Variants in CD9 observed in about 807,000 individuals in gnomAD.
CD9 encodes CD9 molecule, also known as CD9 antigen.
Under a neutral mutation model 31.4 loss-of-function variants are expected in CD9, and 10 were observed. That is an observed-to-expected ratio of 0.32 (90% CI 0.20 to 0.54). The LOEUF is 0.54. Among genes scored for constraint, CD9 ranks in the 20% least tolerant of loss-of-function variants. CD9 has a pLI of 0.94. For synonymous variants in CD9, 113 were observed against 114.1 expected (o/e 0.99, Z 0.06); for missense variants, 259 against 300.1 (o/e 0.86, Z 1.01).
chr12:6,231,663 T>C (rs905165897), intron 2 of CD9, among the ~76,000 whole-genome samples: 4 of 152,234 alleles, frequency 2.6e-5, no homozygotes, highest in Admixed American at 2.6e-4. Context: ...GGAATTTGCA[T>C]TGTTCTGGGT....
intron 1 of CD9, among the ~76,000 whole-genome samples, chr12:6,220,568 G>A (rs545745570): frequency 5.9e-5 from 9 of 152,258 alleles, no homozygotes; most frequent in Admixed American, 1.3e-4. Flanking sequence ...TGGATTTTTA[G>A]GTTAGGGAGA....
intron 1 of CD9, among the ~76,000 whole-genome samples, chr12:6,223,476 T>C (rs1946319691): frequency 6.6e-6 from 1 of 152,132 alleles, no homozygotes; most frequent in South Asian, 2.1e-4. Context: ...TTAGCCAGGA[T>C]GGTCTCGATC....
Position 6,235,550 on chromosome 12 carries a change from A to AACCTTC in CD9, c.526_531dup (p.Phe176_Thr177dup), listed in dbSNP as rs765932267. ...TCTGCCCCAAGAAGGACGTACTCGAAACCTTCACCGTGAAGGTAAACTCAG... is the reference window on the plus strand; with the variant it reads ...TCTGCCCCAAGAAGGACGTACTCGAAACCTTCACCTTCACCGTGAAGGTAAACTCAG... On this transcript the variant is annotated inframe_insertion, in exon 6 of 8. Transcript: ENST00000009180. 2 of 1,612,908 alleles carry AACCTTC rather than the reference A, an allele frequency of 1.2e-6. No homozygotes were observed. Among genetic ancestry groups the AACCTTC allele is most frequent in the Non-Finnish European group, 1.7e-6 (2 of 1,179,084 alleles).
chr12:6,232,751 C>A lies in CD9; in HGVS notation c.273+22C>A, dbSNP rs767514697. 2.1e-6 allele frequency: 3 copies of A among 1,459,004 alleles called. No homozygotes were observed. Among genetic ancestry groups the A allele is most frequent in the Admixed American group, 2.0e-5 (1 of 50,950 alleles). 90.4% of individuals were successfully genotyped at this position (1,459,004 alleles called of 1,614,324 possible). A position where few individuals can be genotyped will look rare whatever the true frequency, so the allele number is the denominator to read the frequency against. On this transcript the variant is annotated intron_variant, in intron 3 of 7. Transcript: ENST00000009180. This position sits in a 1 kb window ranked among gnomAD's most constrained non-coding sequence, Gnocchi z 4.8. Reference sequence around the variant, plus strand: ...ACTGGTGAGTATCCCCTCGGCATCCCCACAGCCACCCTGACTCCCACCAAC... The same window carrying A: ...ACTGGTGAGTATCCCCTCGGCATCCACACAGCCACCCTGACTCCCACCAAC...
rs1437799550 is a variant in CD9, at chr12:6,236,223, A to C, written c.569A>C (p.Asp190Ala). 7 of 1,614,226 alleles carry C rather than the reference A, an allele frequency of 4.3e-6. No individual in the cohort carries two copies. Among genetic ancestry groups the C allele is most frequent in the Middle Eastern group, 1.6e-4 (1 of 6,062 alleles). The part of the protein sequence containing the change: ...SCPDAIKEVF[D>A]NKFHIIGAVG... Reference sequence around the variant, plus strand: ...CCTGATGCCATCAAAGAGGTCTTCGACAATAAATTCCACATCATCGGCGCA... The same window carrying C: ...CCTGATGCCATCAAAGAGGTCTTCGCCAATAAATTCCACATCATCGGCGCA... The change falls in exon 7 of 8, where the codon GAC becomes GCC. Residue 190 changes from aspartate to alanine, a missense_variant. Physicochemically the swap from Asp to Ala is moderately radical, Grantham distance 126. Transcript: ENST00000009180.
chr12:6,202,459 C>G (rs1265423878), intron 1 of CD9, among the ~76,000 whole-genome samples: 2 of 152,266 alleles, frequency 1.3e-5, no homozygotes, highest in Non-Finnish European at 2.9e-5. Context: ...GGTACAGTCT[C>G]TCCCGGCTGG....
At chr12:6,205,164 G>A (rs1946117225) in intron 1 of CD9, among the ~76,000 whole-genome samples, 1 of 152,234 alleles carries the variant, frequency 6.6e-6, no homozygotes, top group Non-Finnish European at 1.5e-5. Context: ...CTGCGCTGGG[G>A]TGAAGCTGGC....
intron 1 of CD9, chr12:6,225,040 G>T: frequency 5.2e-6 from 1 of 192,428 alleles, no homozygotes; most frequent in African/African-American, 2.3e-5. Context: ...TCCCTAAACA[G>T]CATAGCGTTT....
At chr12:6,202,655 C>G (rs995575739) in intron 1 of CD9, among the ~76,000 whole-genome samples, 9 of 152,260 alleles carry the variant, frequency 5.9e-5, no homozygotes, top group African/African-American at 2.2e-4. Context: ...GCAATCTGTC[C>G]GTACTGTCCT....
chr12:6,227,670 CAAG>C (rs1946387037), intron 2 of CD9, among the ~76,000 whole-genome samples: 1 of 152,152 alleles, frequency 6.6e-6, no homozygotes, highest in Non-Finnish European at 1.5e-5. Context: ...TATATTCCCT[CAAG>C]AGGCAGGGCC....
At chr12:6,227,535 GTCAT>G (rs1197408829) in intron 2 of CD9, among the ~76,000 whole-genome samples, 1 of 152,186 alleles carries the variant, frequency 6.6e-6, no homozygotes, top group African/African-American at 2.4e-5. Flanking sequence ...TTCTTTGTGT[GTCAT>G]TCATTGTCTT....
intron 1 of CD9, among the ~76,000 whole-genome samples, chr12:6,208,263 A>G (rs1213553474): frequency 6.6e-6 from 1 of 151,084 alleles, no homozygotes; most frequent in African/African-American, 2.4e-5. Context: ...AACCCTTCAC[A>G]GCTTACCCAA....
chr12:6,221,253 G>A (rs1946288796), intron 1 of CD9, among the ~76,000 whole-genome samples: 1 of 152,208 alleles, frequency 6.6e-6, no homozygotes, highest in Non-Finnish European at 1.5e-5. Context: ...AAACCAGAAT[G>A]TTTCCATTTG....
chr12:6,208,178 C>G lies in CD9; in HGVS notation c.66+7613C>G, dbSNP rs182133953. On this transcript the variant is annotated intron_variant, in intron 1 of 7. Coordinates refer to ENST00000009180, the MANE Select transcript of CD9 (RefSeq NM_001769.4). The stretch of plus-strand genomic sequence containing the variant: ...GGCGGCGGTTGCAGTGAGCTGAAAT[C>G]GTGCCATTGCACTCCAGCCTGGGCG... Among the ~76,000 whole-genome samples the G allele has an allele frequency of 2.2e-3, 330 of 150,450 alleles. 8 individuals carry two copies. The South Asian group carries it at 0.033, about 15-fold the overall frequency.
In CD9 at chr12:6,236,255, A is replaced by G. The variant is rs150663369; in HGVS notation, c.601A>G (p.Ile201Val). ...NKFHIIGAVG[I>V]GIAVVMIFGM... ...ATTCCACATCATCGGCGCAGTGGGCATCGGCATTGCCGTGGTCATGGTGAG... is the reference window on the plus strand; with the variant it reads ...ATTCCACATCATCGGCGCAGTGGGCGTCGGCATTGCCGTGGTCATGGTGAG... The change falls in exon 7 of 8, where the codon ATC becomes GTC. Residue 201 changes from isoleucine to valine, a missense_variant. Coordinates refer to ENST00000009180, the MANE Select transcript of CD9 (RefSeq NM_001769.4). The G allele has an allele frequency of 5.5e-4, 892 of 1,614,202 alleles. No homozygotes were observed. Among genetic ancestry groups the G allele is most frequent in the Non-Finnish European group, 6.8e-4 (798 of 1,180,026 alleles).
rs71450123 is a variant in CD9, at chr12:6,214,344, C to CTTTTTTTTT, written c.67-11066_67-11058dup. Among the ~76,000 whole-genome samples, 128 of 67,074 alleles carry CTTTTTTTTT rather than the reference C, an allele frequency of 1.9e-3. 18 individuals carry two copies. Among genetic ancestry groups the CTTTTTTTTT allele is most frequent in the South Asian group, 2.7e-3 (4 of 1,478 alleles). The allele number at this position is 67,074 out of a possible 152,430, so 44.0% of individuals were successfully genotyped here. A position where few individuals can be genotyped will look rare whatever the true frequency, so the allele number is the denominator to read the frequency against. On this transcript the variant is annotated intron_variant, in intron 1 of 7. Coordinates refer to ENST00000009180, the MANE Select transcript of CD9 (RefSeq NM_001769.4). ...CAACCTGCAACTTGACCATTAGCCT[C>CTTTTTTTTT]TTTTTTTTTTTTTTTTTTTTTTTTG...
intron 2 of CD9, among the ~76,000 whole-genome samples, chr12:6,231,974 G>C (rs1052702930): frequency 6.6e-6 from 1 of 152,186 alleles, no homozygotes; most frequent in Non-Finnish European, 1.5e-5. Context: ...GCCAAAAGAA[G>C]GGTCTTCTGA....
intron 2 of CD9, among the ~76,000 whole-genome samples, chr12:6,226,667 G>A (rs917627987): frequency 1.3e-5 from 2 of 152,100 alleles, no homozygotes; most frequent in African/African-American, 4.8e-5. Context: ...GCTTTTTATT[G>A]TTAGCTGGGG....
intron 1 of CD9, chr12:6,224,874 C>T (rs1946342073): frequency 6.6e-6 from 1 of 152,620 alleles, no homozygotes; most frequent in Non-Finnish European, 1.5e-5. Flanking sequence ...ACTGTGTAAC[C>T]ATCACCCAAG....
Sources: allele counts gnomAD v4.1 joint callset (sites outside exome capture counted in the v4.1 genomes callset), GRCh38; gene constraint gnomAD v4.1.1; non-coding constraint Gnocchi (gnomAD v3.1); transcripts MANE v1.5; gene names NCBI Gene and HGNC (gene_info 2026-07-23, HGNC 2026-07-21).